Variants in PCDH9 observed in about 807,000 individuals in gnomAD.
The protein encoded by PCDH9 is protocadherin 9, also known as protocadherin-9.
In PCDH9, 24 loss-of-function variants were observed where a neutral mutation model predicts 70.6. The observed-to-expected ratio is 0.34, with a 90% CI of 0.25 to 0.48. The LOEUF is 0.48. Among genes scored for constraint, PCDH9 ranks in the 20% least tolerant of loss-of-function variants. PCDH9 has a pLI of 0.99. For synonymous variants in PCDH9, 562 were observed against 558.5 expected (o/e 1.01, Z -0.09); for missense variants, 1,281 against 1,503.6 (o/e 0.85, Z 2.45).
chr13:67,047,014 C>T (rs941596681), intron 2 of PCDH9, among the ~76,000 whole-genome samples: 1 of 152,130 alleles, frequency 6.6e-6, no homozygotes, highest in Admixed American at 6.6e-5. Flanking sequence ...AAATGACTTG[C>T]CATTATGCCT....
chr13:66,823,437 A>T (rs1442625092), intron 3 of PCDH9, among the ~76,000 whole-genome samples: 1 of 151,756 alleles, frequency 6.6e-6, no homozygotes, highest in Non-Finnish European at 1.5e-5. Context: ...TATATTATAA[A>T]GATAATATAA....
At chr13:66,791,955 T>G (rs1033987535) in intron 3 of PCDH9, among the ~76,000 whole-genome samples, 3 of 152,178 alleles carry the variant, frequency 2.0e-5, no homozygotes, top group African/African-American at 7.2e-5. Context: ...ACATAGTTAT[T>G]CCAAGACTCT....
intron 3 of PCDH9, among the ~76,000 whole-genome samples, chr13:66,857,746 G>A (rs2081418120): frequency 6.6e-6 from 1 of 151,970 alleles, no homozygotes; most frequent in African/African-American, 2.4e-5. Context: ...ATTTGACAGG[G>A]AAATGAAATG....
At chr13:66,437,347 G>A (rs142759667) in intron 4 of PCDH9, among the ~76,000 whole-genome samples, 1,428 of 134,442 alleles carry the variant, frequency 0.011, 21 homozygotes, top group African/African-American at 0.036. Flanking sequence ...GCGAGCTTGC[G>A]TGAGCCGAGA....
intron 4 of PCDH9, among the ~76,000 whole-genome samples, chr13:66,414,988 A>T (rs1217184418): frequency 1.3e-5 from 2 of 152,308 alleles, no homozygotes; most frequent in African/African-American, 4.8e-5. Context: ...TCAGAGGAAG[A>T]TATTCATAAC....
At chr13:66,371,208 A>G (rs765053994) in intron 4 of PCDH9, among the ~76,000 whole-genome samples, 15 of 152,078 alleles carry the variant, frequency 9.9e-5, no homozygotes, top group Non-Finnish European at 1.9e-4. Context: ...CATTTTCCCT[A>G]ATCTTTTTCA....
intron 4 of PCDH9, chr13:66,323,657 C>T (rs1399666531): frequency 1.4e-5 from 2 of 147,132 alleles, no homozygotes; most frequent in East Asian, 2.0e-4. Context: ...ATTTTGTTTC[C>T]TTTTATTGGT....
intron 2 of PCDH9, among the ~76,000 whole-genome samples, chr13:67,068,634 G>A (rs1312767335): frequency 1.3e-5 from 2 of 152,130 alleles, no homozygotes; most frequent in Non-Finnish European, 2.9e-5. Context: ...GAGCACATGC[G>A]TTTGATCCCA....
At chr13:66,365,868 C>T (rs1222787561) in intron 4 of PCDH9, among the ~76,000 whole-genome samples, 1 of 152,068 alleles carries the variant, frequency 6.6e-6, no homozygotes, top group African/African-American at 2.4e-5. Flanking sequence ...TACTTTGTTT[C>T]TCTCTTCCTC....
chr13:66,973,254 CTGAACACTATGATGCCTTT>C (rs1447604783), intron 2 of PCDH9, among the ~76,000 whole-genome samples: 10 of 152,144 alleles, frequency 6.6e-5, no homozygotes, highest in East Asian at 3.9e-4. Flanking sequence ...CAGCCATATA[CTGAACACTATGATGCCTTT>C]TGAAATAATG....
chr13:66,733,676 G>T (rs1250510511), intron 3 of PCDH9, among the ~76,000 whole-genome samples: 12 of 36,262 alleles, frequency 3.3e-4, no homozygotes, highest in Non-Finnish European at 1.7e-3. Context: ...ATAAAGGTAG[G>T]CTTTTTTTTT....
intron 2 of PCDH9, among the ~76,000 whole-genome samples, chr13:66,930,231 A>G (rs991722450): frequency 6.6e-6 from 1 of 152,174 alleles, no homozygotes; most frequent in Non-Finnish European, 1.5e-5. Context: ...TGTAACACCA[A>G]TTGTGACCTC....
At chr13:66,595,230 A>G (rs1359490427) in intron 4 of PCDH9, among the ~76,000 whole-genome samples, 2 of 151,582 alleles carry the variant, frequency 1.3e-5, no homozygotes, top group East Asian at 3.9e-4. Flanking sequence ...GGAAGGTAGG[A>G]GCCTAACTTT....
At chr13:66,656,929 A>C (rs1321405984) in intron 3 of PCDH9, among the ~76,000 whole-genome samples, 1 of 152,208 alleles carries the variant, frequency 6.6e-6, no homozygotes. Context: ...AGAGCATCTG[A>C]ACTTTTAAAA....
Position 66,327,625 on chromosome 13 carries a change from C to T in PCDH9, c.3341-22597G>A, listed in dbSNP as rs1258388377. On this transcript the variant is annotated intron_variant, in intron 4 of 4. Coordinates refer to ENST00000377865, the MANE Select transcript of PCDH9 (RefSeq NM_203487.3). Reference sequence around the variant, plus strand: ...AGAGCTCTAGACTCAATTTTGAGCACCAAAGTTCAAATACCTGTGCTATTA... The same window carrying T: ...AGAGCTCTAGACTCAATTTTGAGCATCAAAGTTCAAATACCTGTGCTATTA... 2.6e-5 allele frequency among the ~76,000 whole-genome samples: 4 copies of T among 152,208 alleles called. No homozygotes were observed. In the East Asian group the frequency reaches 5.8e-4, roughly 22 times the overall value.
chr13:67,074,025 T>G (rs1426151828), intron 2 of PCDH9, among the ~76,000 whole-genome samples: 1 of 148,204 alleles, frequency 6.7e-6, no homozygotes, highest in Non-Finnish European at 1.5e-5. Flanking sequence ...CTCATTGAGA[T>G]GAAATTCTAT....
chr13:66,839,354 C>T (rs957241811), intron 3 of PCDH9, among the ~76,000 whole-genome samples: 5 of 152,136 alleles, frequency 3.3e-5, no homozygotes, highest in African/African-American at 1.2e-4. Flanking sequence ...CCAAATCTAT[C>T]GTTTTCTTTT....
intron 2 of PCDH9, among the ~76,000 whole-genome samples, chr13:66,936,184 TG>T (rs2139673786): frequency 6.6e-6 from 1 of 152,360 alleles, no homozygotes; most frequent in African/African-American, 2.4e-5. Flanking sequence ...AAATATCTTA[TG>T]CATGTTATGC....
At chr13:66,490,552 G>A (rs1166330948) in intron 4 of PCDH9, among the ~76,000 whole-genome samples, 1 of 152,068 alleles carries the variant, frequency 6.6e-6, no homozygotes, top group Non-Finnish European at 1.5e-5. Context: ...CTATTACCTC[G>A]ATTTCTGTGG....
Sources: gnomAD v4.1 joint callset for allele counts (sites outside exome capture counted in the v4.1 genomes callset) on GRCh38, gnomAD v4.1.1 for gene constraint, MANE v1.5 for transcripts, NCBI Gene and HGNC (gene_info 2026-07-23, HGNC 2026-07-21) for gene names.